Variants in FOXN3 observed in about 807,000 individuals in gnomAD.
The protein encoded by FOXN3 is forkhead box protein N3.
A neutral mutation model predicts 38.4 loss-of-function variants in FOXN3; 7 were observed. The ratio of observed to expected loss-of-function variants is 0.18; its 90% CI spans 0.10 to 0.34. FOXN3 has a LOEUF of 0.34. Ranked by LOEUF, FOXN3 falls within the 10% of genes least tolerant of loss-of-function variation. The pLI, the probability that FOXN3 is intolerant of heterozygous loss-of-function variation, is 1.00. For synonymous variants in FOXN3, 230 were observed against 242.2 expected (o/e 0.95, Z 0.47); for missense variants, 456 against 613.4 (o/e 0.74, Z 2.71).
chr14:89,563,320 A>G (rs1485907262), intron 1 of FOXN3, among the ~76,000 whole-genome samples: 2 of 152,228 alleles, frequency 1.3e-5, no homozygotes, highest in East Asian at 3.9e-4. Flanking sequence ...ATAAGTTGCA[A>G]ATAAATATGA....
At chr14:89,307,882 ACT>A (rs1005725593) in intron 3 of FOXN3, among the ~76,000 whole-genome samples, 1 of 152,220 alleles carries the variant, frequency 6.6e-6, no homozygotes, top group African/African-American at 2.4e-5. Context: ...ACTTTTGTAC[ACT>A]CTGCACCGAC....
intron 4 of FOXN3, among the ~76,000 whole-genome samples, chr14:89,204,590 T>C (rs1200252672): frequency 6.6e-6 from 1 of 152,148 alleles, no homozygotes; most frequent in Non-Finnish European, 1.5e-5. Flanking sequence ...AGTTGAAAAA[T>C]AAAACAAAGC....
At chr14:89,340,348 T>C (rs139683137) in intron 3 of FOXN3, among the ~76,000 whole-genome samples, 136 of 152,316 alleles carry the variant, frequency 8.9e-4, no homozygotes, top group African/African-American at 3.2e-3. Flanking sequence ...ACTTGGACTA[T>C]GGTGATTAAG....
At chr14:89,494,203 C>T (rs947839049) in intron 1 of FOXN3, 1 of 152,162 alleles carries the variant, frequency 6.6e-6, no homozygotes. Context: ...GCAACTGTGT[C>T]ACTGTAGATA....
intron 2 of FOXN3, among the ~76,000 whole-genome samples, chr14:89,384,686 T>C (rs1890744663): frequency 6.6e-6 from 1 of 151,904 alleles, no homozygotes; most frequent in African/African-American, 2.4e-5. Context: ...GATGCAGAGA[T>C]AAAAATAAGC....
chr14:89,335,085 A>T (rs1470859530), intron 3 of FOXN3, among the ~76,000 whole-genome samples: 11 of 12,296 alleles, frequency 8.9e-4, no homozygotes, highest in South Asian at 8.4e-3. Context: ...TATCACACAC[A>T]CACACACACA....
intron 4 of FOXN3, among the ~76,000 whole-genome samples, chr14:89,272,312 CA>C (rs370381848): frequency 2.7e-5 from 4 of 148,608 alleles, no homozygotes; most frequent in South Asian, 2.1e-4. Flanking sequence ...AACTCTGTTT[CA>C]AAAAAAAAGA....
At chr14:89,564,685 A>C (rs925561338) in intron 1 of FOXN3, among the ~76,000 whole-genome samples, 1 of 152,146 alleles carries the variant, frequency 6.6e-6, no homozygotes, top group African/African-American at 2.4e-5. Context: ...GGAAGTCTTA[A>C]CTCTCGGAAC....
chr14:89,443,580 G>T (rs1025077223), intron 1 of FOXN3, among the ~76,000 whole-genome samples: 2 of 152,204 alleles, frequency 1.3e-5, no homozygotes, highest in Non-Finnish European at 2.9e-5. Flanking sequence ...ATATTCTACC[G>T]TGTTCTTTAC....
intron 4 of FOXN3, among the ~76,000 whole-genome samples, chr14:89,182,895 C>T (rs1887709901): frequency 6.6e-6 from 1 of 152,132 alleles, no homozygotes; most frequent in South Asian, 2.1e-4. Flanking sequence ...GTTAGAACAA[C>T]CAGAGATCCA....
At chr14:89,319,903 G>A (rs1887849039) in intron 3 of FOXN3, among the ~76,000 whole-genome samples, 1 of 152,026 alleles carries the variant, frequency 6.6e-6, no homozygotes, top group Admixed American at 6.5e-5. Flanking sequence ...CACCAACCAG[G>A]GCTAATAGGT....
At chr14:89,541,734 G>A (rs1051535548) in intron 1 of FOXN3, among the ~76,000 whole-genome samples, 1 of 151,938 alleles carries the variant, frequency 6.6e-6, no homozygotes, top group Non-Finnish European at 1.5e-5. Context: ...GAACCCTCTT[G>A]GCCTCTGGAT....
At position 89,335,771 on chromosome 14, in the gene FOXN3, TAAC is replaced by T. The variant is rs1328549402; in HGVS notation, c.680+14898_680+14900del. On this transcript the variant is annotated intron_variant, in intron 3 of 5. Transcript: ENST00000557258. ...AGAGATTTTCATTTTTAAAGAATGTTAACAAAATATGTTGCTCTAACAACAATA... is the reference window on the plus strand; with the variant it reads ...AGAGATTTTCATTTTTAAAGAATGTTAAAATATGTTGCTCTAACAACAATA... 2.6e-5 allele frequency among the ~76,000 whole-genome samples: 4 copies of T among 152,222 alleles called. No homozygotes were observed. The East Asian group carries it at 7.7e-4, about 29-fold the overall frequency.
intron 1 of FOXN3, among the ~76,000 whole-genome samples, chr14:89,439,035 A>C (rs1892325728): frequency 6.6e-6 from 1 of 151,918 alleles, no homozygotes; most frequent in African/African-American, 2.4e-5. Flanking sequence ...TGGGATTACA[A>C]GCGTGAGCCA....
At chr14:89,411,627 C>T (rs1891548326) in intron 2 of FOXN3, among the ~76,000 whole-genome samples, 1 of 152,188 alleles carries the variant, frequency 6.6e-6, no homozygotes, top group Non-Finnish European at 1.5e-5. Flanking sequence ...GACCCTAAAA[C>T]CAAAGTGACC....
chr14:89,381,142 T>C (rs1165265013), intron 2 of FOXN3, among the ~76,000 whole-genome samples: 1 of 53,802 alleles, frequency 1.9e-5, no homozygotes. Flanking sequence ...ACTCCCTCCG[T>C]CTCAAAAAAA....
intron 1 of FOXN3, among the ~76,000 whole-genome samples, chr14:89,584,257 C>T (rs1895802274): frequency 6.6e-6 from 1 of 151,992 alleles, no homozygotes; most frequent in Non-Finnish European, 1.5e-5. Flanking sequence ...AAAAATTAGC[C>T]AGGCATGGTG....
intron 4 of FOXN3, among the ~76,000 whole-genome samples, chr14:89,245,870 G>T (rs1401329015): frequency 6.6e-6 from 1 of 152,024 alleles, no homozygotes; most frequent in Non-Finnish European, 1.5e-5. Context: ...CCCGCATCTG[G>T]CATCCCCCAG....
intron 1 of FOXN3, among the ~76,000 whole-genome samples, chr14:89,606,848 C>CA (rs963062061): frequency 2.1e-4 from 31 of 145,436 alleles, no homozygotes; most frequent in South Asian, 8.7e-4. Flanking sequence ...GACTCTGTCT[C>CA]AAAAAAAAAA....
Sources: gnomAD v4.1 joint callset for allele counts (sites outside exome capture counted in the v4.1 genomes callset) on GRCh38, gnomAD v4.1.1 for gene constraint, MANE v1.5 for transcripts, NCBI Gene and HGNC (gene_info 2026-07-23, HGNC 2026-07-21) for gene names.